The following ABCE1 variants were observed in gnomAD, a reference collection of about 807,000 sequenced individuals.
ABCE1 encodes the protein ATP-binding cassette sub-family E member 1.
A neutral mutation model predicts 83.4 loss-of-function variants in ABCE1; 22 were observed. That is an observed-to-expected ratio of 0.26 (90% CI 0.19 to 0.38). The LOEUF is 0.38. Ranked by LOEUF, ABCE1 falls within the 10% of genes least tolerant of loss-of-function variation. The pLI is 1.00. For synonymous variants in ABCE1, 204 were observed against 233.7 expected, an observed-to-expected ratio of 0.87 and a Z score of 1.16; for missense variants, 330 against 721.9, an observed-to-expected ratio of 0.46 and a Z score of 6.22.
In ABCE1 at chr4:145,104,530, G is replaced by A. The variant is rs747600161; in HGVS notation, c.103+15G>A. ...AGTTCGAATGGGTAAGCTGTTCTGTGGATCATTTAAGTATAAAAGAAAACC... is the reference window on the plus strand; with the variant it reads ...AGTTCGAATGGGTAAGCTGTTCTGTAGATCATTTAAGTATAAAAGAAAACC... On this transcript the variant is annotated intron_variant, in intron 2 of 17. Transcript: ENST00000296577. The A allele has an allele frequency of 1.3e-6, 2 of 1,513,172 alleles. No individual in the cohort carries two copies. The highest frequency in any genetic ancestry group is 1.8e-6 in the Non-Finnish European group (2 of 1,113,552). 93.7% of individuals were successfully genotyped at this position (1,513,172 alleles called of 1,614,324 possible).
intron 13 of ABCE1, 118 bp from the exon 14 acceptor site, chr4:145,122,903 T>C (rs1749782408): frequency 1.5e-6 from 1 of 648,820 alleles, no homozygotes; most frequent in Non-Finnish European, 2.6e-6. Context: ...CACATTGATA[T>C]CTGTTGGTGG....
intron 3 of ABCE1, among the ~76,000 whole-genome samples, chr4:145,107,721 T>G (rs1749347203): frequency 6.6e-6 from 1 of 152,200 alleles, no homozygotes; most frequent in African/African-American, 2.4e-5. Flanking sequence ...TGACTTTTTC[T>G]TTTACTCAGG....
intron 1 of ABCE1, among the ~76,000 whole-genome samples, chr4:145,102,575 T>G (rs1749180216): frequency 6.6e-6 from 1 of 152,142 alleles, no homozygotes; most frequent in African/African-American, 2.4e-5. Flanking sequence ...GCAGGTTTTG[T>G]GTTTTTTTTT....
intron 1 of ABCE1, among the ~76,000 whole-genome samples, chr4:145,101,080 A>G (rs942675717): frequency 2.0e-5 from 3 of 151,980 alleles, no homozygotes; most frequent in Non-Finnish European, 4.4e-5. Flanking sequence ...AAAAATATAT[A>G]TATGGAATAT....
chr4:145,120,206 T>G (rs1579220902), intron 11 of ABCE1, 53 bp downstream of exon 11: 1 of 1,473,078 alleles, frequency 6.8e-7, no homozygotes, highest in African/African-American at 1.4e-5. Flanking sequence ...TCTAGTAAAT[T>G]AGTTTTAACT....
In ABCE1 at chr4:145,102,130, T is replaced by A. The variant is rs533925537; in HGVS notation, c.-27-2256T>A. Among the ~76,000 whole-genome samples the A allele has an allele frequency of 8.5e-5, 13 of 152,232 alleles. No individual in the cohort carries two copies. In the South Asian group the frequency reaches 1.0e-3, roughly 12 times the overall value. ...TTTATCTAGTAGGAAAAGTGTTTAT[T>A]TGTGTCAGATGCAATTGATTGGTCA... On this transcript the variant is annotated intron_variant, in intron 1 of 17. Coordinates refer to ENST00000296577, the MANE Select transcript of ABCE1 (RefSeq NM_002940.3).
chr4:145,112,623 G>C (rs952243916), intron 9 of ABCE1, among the ~76,000 whole-genome samples: 13 of 152,018 alleles, frequency 8.6e-5, no homozygotes, highest in African/African-American at 2.7e-4. Context: ...CTCTCTCTCT[G>C]TCTCTCATTT....
intron 13 of ABCE1, 52 bp from the exon 14 acceptor site, chr4:145,122,964 TAGAAG>T: frequency 2.5e-6 from 3 of 1,213,780 alleles, no homozygotes; most frequent in Admixed American, 2.3e-5. Context: ...GATTCATAAA[TAGAAG>T]AGTTCTATAG....
chr4:145,107,907 T>G, intron 3 of ABCE1, 108 bp from the exon 4 acceptor site: 1 of 832,468 alleles, frequency 1.2e-6, no homozygotes, highest in South Asian at 1.9e-5. Flanking sequence ...CACATCTTTA[T>G]GAAATCATGT....
At chr4:145,113,356 A>G (rs767045093) in intron 9 of ABCE1, among the ~76,000 whole-genome samples, 24 of 152,200 alleles carry the variant, frequency 1.6e-4, no homozygotes, top group Non-Finnish European at 3.4e-4. Flanking sequence ...ATCTCTATTC[A>G]TGGGCCAGCA....
In ABCE1 at chr4:145,128,330, C is replaced by CTGAT. The variant is rs1225546193; in HGVS notation, c.*761_*764dup. ...TTGTACACATATATTTATATAATCA[C>CTGAT]TGATTGAGATTTAGGAAAAAGCATT... is the stretch of plus-strand genomic sequence containing the variant. On this transcript the variant is annotated 3_prime_UTR_variant, in exon 18 of 18. Transcript: ENST00000296577. 47 of 152,612 alleles carry CTGAT rather than the reference C, an allele frequency of 3.1e-4. No homozygotes were observed. Among genetic ancestry groups the CTGAT allele is most frequent in the African/African-American group, 1.1e-3 (47 of 41,532 alleles). 9.5% of individuals were successfully genotyped at this position (152,612 alleles called of 1,614,324 possible).
Position 145,104,504 on chromosome 4 carries a change from T to A in ABCE1, c.92T>A (p.Val31Glu). The A allele has an allele frequency of 6.3e-7, 1 of 1,591,996 alleles. No homozygotes were observed. The highest frequency in any genetic ancestry group is 8.6e-7 in the Non-Finnish European group (1 of 1,168,650). Residue 31 changes from valine to glutamate, a missense_variant, in exon 2 of 18, where the codon GTA becomes GAA. By Grantham distance (121) the Val-to-Glu change is moderately radical. Transcript: ENST00000296577. ...CRQECKKSCP[V>E]VRMGKLCIEV... ...CAGGAATGCAAAAAGAGTTGTCCTG[T>A]AGTTCGAATGGGTAAGCTGTTCTGT... is the stretch of plus-strand genomic sequence containing the variant.
intron 10 of ABCE1, 77 bp downstream of exon 10, chr4:145,117,491 A>C: frequency 1.4e-6 from 2 of 1,423,512 alleles, no homozygotes; most frequent in Admixed American, 4.1e-5. Flanking sequence ...ATTGATATTA[A>C]GTAGTTTTAC....
intron 1 of ABCE1, among the ~76,000 whole-genome samples, chr4:145,098,969 T>G (rs1207128198): frequency 6.6e-6 from 1 of 152,264 alleles, no homozygotes; most frequent in African/African-American, 2.4e-5. Context: ...ACTCTGCTTT[T>G]CTCAGAACAG....
chr4:145,110,084 ATTTT>A lies in ABCE1; in HGVS notation c.406-6_406-3del. The A allele has an allele frequency of 3.2e-5, 44 of 1,364,542 alleles. No individual in the cohort carries two copies. The highest frequency in any genetic ancestry group is 2.9e-4 in the Admixed American group (11 of 38,088). 84.5% of individuals were successfully genotyped at this position (1,364,542 alleles called of 1,614,324 possible). A position where few individuals can be genotyped will look rare whatever the true frequency, so the allele number is the denominator to read the frequency against. ...TATTATTAAATTCACATGATTCTGT[ATTTT>A]TTTTTTTTTTTTAGGATCCTCCTGA... On this transcript the variant is annotated splice_polypyrimidine_tract_variant and intron_variant, in intron 5 of 17. Coordinates refer to ENST00000296577, the MANE Select transcript of ABCE1 (RefSeq NM_002940.3).
At chr4:145,109,393 T>C (rs1387287184) in intron 5 of ABCE1, 144 bp downstream of exon 5, 2 of 521,644 alleles carry the variant, frequency 3.8e-6, no homozygotes, top group Non-Finnish European at 6.4e-6. Flanking sequence ...CAAAGCTCTT[T>C]TGTACTTTTG....
intron 9 of ABCE1, 54 bp from the exon 10 acceptor site, chr4:145,117,239 A>T (rs1201069118): frequency 6.8e-7 from 1 of 1,472,974 alleles, no homozygotes; most frequent in African/African-American, 1.4e-5. Context: ...GAAATTTCCA[A>T]CTATTAAAAA....
At chr4:145,109,315 T>G in intron 5 of ABCE1, 66 bp downstream of exon 5, 1 of 825,208 alleles carries the variant, frequency 1.2e-6, no homozygotes, top group Middle Eastern at 2.4e-4. Flanking sequence ...GGGGGGATGA[T>G]ATGTATATTT....
chr4:145,124,971 A>ATT lies in ABCE1; in HGVS notation c.1641-9_1641-8dup, dbSNP rs4148246. The ATT allele has an allele frequency of 6.8e-5, 76 of 1,115,858 alleles. No individual in the cohort carries two copies. The highest frequency in any genetic ancestry group is 1.3e-4 in the South Asian group (8 of 60,920). 69.1% of individuals were successfully genotyped at this position (1,115,858 alleles called of 1,614,324 possible). A position where few individuals can be genotyped will look rare whatever the true frequency, so the allele number is the denominator to read the frequency against. On this transcript the variant is annotated intron_variant, in intron 16 of 17. Transcript: ENST00000296577. ...CTGAAGTAAAATTTAATCAAAATTGATTTTTTTTTTTCTCTTAGTCCTCAA... is the reference window on the plus strand; with the variant it reads ...CTGAAGTAAAATTTAATCAAAATTGATTTTTTTTTTTTTCTCTTAGTCCTCAA...
Sources: gnomAD v4.1 joint callset for allele counts (sites outside exome capture counted in the v4.1 genomes callset) on GRCh38, gnomAD v4.1.1 for gene constraint, MANE v1.5 for transcripts, NCBI Gene and HGNC (gene_info 2026-07-23, HGNC 2026-07-21) for gene names.